Variants in FILIP1L observed in about 807,000 individuals in gnomAD.
The protein encoded by FILIP1L is filamin A interacting protein 1 like, also known as filamin A-interacting protein 1-like.
FILIP1L carries 55 observed loss-of-function variants against 96.6 expected under a neutral mutation model. The ratio of observed to expected loss-of-function variants is 0.57; its 90% CI spans 0.46 to 0.71. The LOEUF (loss-of-function observed/expected upper bound fraction) is 0.71. Ranked by LOEUF, FILIP1L falls within the 30% of genes least tolerant of loss-of-function variation. The pLI, the probability that FILIP1L is intolerant of heterozygous loss-of-function variation, is 0.00. For synonymous variants in FILIP1L, 467 were observed against 473.9 expected (o/e 0.99, Z 0.19); for missense variants, 1,304 against 1,321.2 (o/e 0.99, Z 0.20).
At position 99,980,527 on chromosome 3, in the gene FILIP1L, T is replaced by A. The variant is rs1709091464; in HGVS notation, c.-10-49497A>T. Among the ~76,000 whole-genome samples, 3 of 152,312 alleles carry A rather than the reference T, an allele frequency of 2.0e-5. No homozygotes were observed. In the South Asian group the frequency reaches 6.2e-4, roughly 32 times the overall value. ...TGGAATAAAAATGATACACACTTTT[T>A]TATACATTCAGTTCAGGTTTTATCC... On this transcript the variant is annotated intron_variant, in intron 1 of 5. Coordinates refer to ENST00000477258, the MANE Select transcript of FILIP1L (RefSeq NM_001387850.1).
At chr3:99,923,196 C>T (rs1334401102) in intron 4 of FILIP1L, among the ~76,000 whole-genome samples, 3 of 152,076 alleles carry the variant, frequency 2.0e-5, no homozygotes, top group African/African-American at 7.2e-5. Context: ...CTTCTCACCA[C>T]ACCAACACCC....
chr3:99,966,238 G>C (rs1708647687), intron 1 of FILIP1L, among the ~76,000 whole-genome samples: 1 of 152,116 alleles, frequency 6.6e-6, no homozygotes, highest in Non-Finnish European at 1.5e-5. Context: ...GCAGAGGCTG[G>C]GCATGGGAGC....
intron 1 of FILIP1L, among the ~76,000 whole-genome samples, chr3:99,954,115 T>A (rs1250734515): frequency 6.6e-6 from 1 of 152,264 alleles, no homozygotes; most frequent in Middle Eastern, 3.2e-3. Flanking sequence ...TGAGGGCTCA[T>A]CTCACTTAAC....
chr3:99,907,369 T>TCCCCAACAGCTGGGACTACAGG (rs1706652022), intron 4 of FILIP1L, among the ~76,000 whole-genome samples: 1 of 152,090 alleles, frequency 6.6e-6, no homozygotes, highest in Non-Finnish European at 1.5e-5. Flanking sequence ...TGCCTCAGCC[T>TCCCCAACAGCTGGGACTACAGG]CCCCAACAGC....
intron 1 of FILIP1L, among the ~76,000 whole-genome samples, chr3:100,049,850 CTT>C (rs1185240050): frequency 6.6e-6 from 1 of 152,036 alleles, no homozygotes; most frequent in Admixed American, 6.6e-5. Context: ...TGTTAATTGA[CTT>C]TTTATTTTAT....
chr3:100,017,513 A>G (rs1270209073), intron 1 of FILIP1L, among the ~76,000 whole-genome samples: 1 of 152,228 alleles, frequency 6.6e-6, no homozygotes, highest in Non-Finnish European at 1.5e-5. Context: ...AGTAAGCACC[A>G]TAGTAACCAA....
At chr3:99,938,143 A>G (rs1576587089) in intron 1 of FILIP1L, among the ~76,000 whole-genome samples, 1 of 152,170 alleles carries the variant, frequency 6.6e-6, no homozygotes, top group Middle Eastern at 3.2e-3. Flanking sequence ...CACGTAACTT[A>G]CTGGAAATCT....
chr3:99,988,527 A>G lies in FILIP1L; in HGVS notation c.-10-57497T>C, dbSNP rs4257589. Among the ~76,000 whole-genome samples the G allele has an allele frequency of 5.8e-3, 760 of 130,244 alleles. 14 individuals are homozygous for G. The highest frequency in any genetic ancestry group is 0.018 in the African/African-American group (628 of 35,646). The allele number at this position is 130,244 out of a possible 152,430, so 85.4% of individuals were successfully genotyped here. A position where few individuals can be genotyped will look rare whatever the true frequency, so the allele number is the denominator to read the frequency against. ...ACTCCATCTCAAAAAAAAAAAAAAA[A>G]AAAGAAAGAAAAGGAAAAAAAAAGA... is the stretch of plus-strand genomic sequence containing the variant. On this transcript the variant is annotated intron_variant, in intron 1 of 5. Transcript: ENST00000477258.
chr3:99,881,328 G>T (rs1705720079), intron 4 of FILIP1L, among the ~76,000 whole-genome samples: 1 of 151,922 alleles, frequency 6.6e-6, no homozygotes, highest in Admixed American at 6.6e-5. Context: ...TGTTTCCTTG[G>T]TAACTAATAA....
chr3:99,914,939 G>C (rs1472645188), intron 4 of FILIP1L, among the ~76,000 whole-genome samples: 1 of 152,174 alleles, frequency 6.6e-6, no homozygotes, highest in Non-Finnish European at 1.5e-5. Flanking sequence ...GTTTTTGTTA[G>C]TGAAAAAATA....
chr3:99,981,362 C>T (rs1015153028), intron 1 of FILIP1L, among the ~76,000 whole-genome samples: 8 of 152,162 alleles, frequency 5.3e-5, no homozygotes, highest in Non-Finnish European at 1.2e-4. Context: ...TCAGGCCCTC[C>T]ACCCATCTGG....
intron 4 of FILIP1L, among the ~76,000 whole-genome samples, chr3:99,859,331 G>C (rs1476773326): frequency 3.9e-5 from 6 of 152,182 alleles, no homozygotes; most frequent in African/African-American, 1.4e-4. Flanking sequence ...CATACTTACA[G>C]TATTCTCCCA....
At chr3:100,109,135 C>G (rs1312568308) in intron 1 of FILIP1L, among the ~76,000 whole-genome samples, 2 of 150,292 alleles carry the variant, frequency 1.3e-5, no homozygotes, top group Non-Finnish European at 3.0e-5. Context: ...TCTCAGGCCT[C>G]AATTCTTCCG....
intron 4 of FILIP1L, among the ~76,000 whole-genome samples, chr3:99,855,454 C>T (rs1943915506): frequency 6.6e-6 from 1 of 152,306 alleles, no homozygotes; most frequent in South Asian, 2.1e-4. Context: ...TGAGTCTGTA[C>T]ATCTGTCGGT....
chr3:100,107,758 T>C (rs2066418476), intron 1 of FILIP1L, among the ~76,000 whole-genome samples: 1 of 152,072 alleles, frequency 6.6e-6, no homozygotes, highest in Non-Finnish European at 1.5e-5. Flanking sequence ...TTTGCACTTT[T>C]AGAAATTTCA....
intron 1 of FILIP1L, among the ~76,000 whole-genome samples, chr3:100,033,887 C>G (rs1204656128): frequency 2.0e-5 from 3 of 152,232 alleles, no homozygotes; most frequent in Non-Finnish European, 2.9e-5. Flanking sequence ...ACAAAAGTGA[C>G]TGTTTTATGT....
chr3:99,992,483 A>G (rs985506282), intron 1 of FILIP1L, among the ~76,000 whole-genome samples: 2 of 151,112 alleles, frequency 1.3e-5, no homozygotes, highest in African/African-American at 4.9e-5. Context: ...AAAAATGTCC[A>G]TTTTTTTGCC....
chr3:99,996,523 C>T (rs1002202962), intron 1 of FILIP1L, among the ~76,000 whole-genome samples: 20 of 152,090 alleles, frequency 1.3e-4, no homozygotes, highest in African/African-American at 4.6e-4. Flanking sequence ...TCAGCAATGC[C>T]CCACTCCACC....
intron 1 of FILIP1L, among the ~76,000 whole-genome samples, chr3:100,050,165 A>T (rs1575989892): frequency 6.6e-6 from 1 of 152,162 alleles, no homozygotes; most frequent in East Asian, 1.9e-4. Context: ...TTGTTTATTT[A>T]CCAGCATTTC....
Sources: gnomAD v4.1 joint callset for allele counts (sites outside exome capture counted in the v4.1 genomes callset) on GRCh38, gnomAD v4.1.1 for gene constraint, MANE v1.5 for transcripts, NCBI Gene and HGNC (gene_info 2026-07-23, HGNC 2026-07-21) for gene names.